Variants in NME7 observed in about 807,000 individuals in gnomAD.
NME7 encodes the protein NME/NM23 family member 7, also known as nucleoside diphosphate kinase 7.
In NME7, 41 loss-of-function variants were observed where a neutral mutation model predicts 49.1. The ratio of observed to expected loss-of-function variants is 0.83; its 90% CI spans 0.65 to 1.08. The LOEUF is 1.08. NME7 is among the 50% of genes least tolerant of loss of function. NME7 has a pLI of 0.00. For synonymous variants in NME7, 139 were observed against 150.6 expected, an observed-to-expected ratio of 0.92 and a Z score of 0.56; for missense variants, 423 against 463.4, an observed-to-expected ratio of 0.91 and a Z score of 0.80.
chr1:169,208,522 T>C (rs1244034897), intron 10 of NME7, among the ~76,000 whole-genome samples: 2 of 152,124 alleles, frequency 1.3e-5, no homozygotes, highest in Admixed American at 6.6e-5. Flanking sequence ...AAATGGCTGT[T>C]AACAGCTAAC....
At chr1:169,247,018 G>T (rs890825364) in intron 7 of NME7, 1 of 456,236 alleles carries the variant, frequency 2.2e-6, no homozygotes, top group Admixed American at 2.3e-5. Context: ...AGACCTATGG[G>T]AATGAAGATT....
rs538398968 is a variant in NME7 at position 169,267,793 on chromosome 1, GTAAAACCTAAAACCTAAA to G, written c.754+19492_754+19509del. Among the ~76,000 whole-genome samples the G allele has an allele frequency of 2.8e-3, 378 of 133,462 alleles. 81 individuals carry two copies. Among genetic ancestry groups the G allele is most frequent in the Middle Eastern group, 0.012 (3 of 260 alleles). The allele number at this position is 133,462 out of a possible 152,430, so 87.6% of individuals were successfully genotyped here. ...CTCAAGATGGATGAAAGACCTAAAT[GTAAAACCTAAAACCTAAA>G]TAAAACCTAAAACCTAAATAAAAAC... On this transcript the variant is annotated intron_variant, in intron 7 of 11. Transcript: ENST00000367811.
rs1361414687 is a variant in NME7, at chr1:169,225,060, G to A, written c.990+5658C>T. ...AAGGATATAGAAACAGAAGAAAGAAGAAAGACACTGGTTTATTAAGGAAGA... is the reference window on the plus strand; with the variant it reads ...AAGGATATAGAAACAGAAGAAAGAAAAAAGACACTGGTTTATTAAGGAAGA... On this transcript the variant is annotated intron_variant, in intron 10 of 11. Transcript: ENST00000367811. Among the ~76,000 whole-genome samples, 3 of 152,222 alleles carry A rather than the reference G, an allele frequency of 2.0e-5. No individual in the cohort carries two copies. The East Asian group carries it at 5.8e-4, about 29-fold the overall frequency.
intron 6 of NME7, 131 bp from the exon 7 acceptor site, chr1:169,287,539 T>C: frequency 1.5e-6 from 1 of 677,996 alleles, no homozygotes; most frequent in South Asian, 2.7e-5. Context: ...TTTCAGATTT[T>C]CTAAAAATGA....
Position 169,227,153 on chromosome 1 carries a change from G to A in NME7, c.990+3565C>T, listed in dbSNP as rs539654962. ...TGGGAATCAGCATTGTTTTCTTTTC[G>A]AGACTCTTCTTTCTATGATCGTGAA... On this transcript the variant is annotated intron_variant, in intron 10 of 11. Transcript: ENST00000367811. Among the ~76,000 whole-genome samples, 4 of 152,106 alleles carry A rather than the reference G, an allele frequency of 2.6e-5. No individual in the cohort carries two copies. The East Asian group carries it at 5.8e-4, about 22-fold the overall frequency.
Position 169,287,349 on chromosome 1 carries a change from A to G in NME7, c.708T>C (p.Phe236=). The G allele has an allele frequency of 6.2e-7, 1 of 1,611,724 alleles. No individual in the cohort carries two copies. Among genetic ancestry groups the G allele is most frequent in the Non-Finnish European group, 8.5e-7 (1 of 1,178,966 alleles). The change falls in exon 7 of 12, where the codon TTT becomes TTC. Residue 236 remains phenylalanine, a synonymous_variant. Transcript: ENST00000367811. ...GGCGPANTAK[F]TNCTCCIVKP... ...TAACAATGCAACAGGTACAATTAGT[A>G]AATTTAGCAGTGTTTGCCGGCCCAC...
intron 1 of NME7, among the ~76,000 whole-genome samples, chr1:169,340,746 T>C (rs1298663328): frequency 6.6e-6 from 1 of 152,214 alleles, no homozygotes; most frequent in South Asian, 2.1e-4. Context: ...ACTCATGCTA[T>C]GCTTTAGCAA....
At chr1:169,186,696 T>C (rs751324133) in intron 10 of NME7, among the ~76,000 whole-genome samples, 1 of 152,198 alleles carries the variant, frequency 6.6e-6, no homozygotes, top group Non-Finnish European at 1.5e-5. Flanking sequence ...TGTTAATCTT[T>C]CCAAAAACCA....
At chr1:169,205,507 A>T (rs967582871) in intron 10 of NME7, among the ~76,000 whole-genome samples, 2 of 152,128 alleles carry the variant, frequency 1.3e-5, no homozygotes, top group African/African-American at 4.8e-5. Flanking sequence ...TATTCTAAGA[A>T]GTTTGCCCAT....
rs549427932 is a variant in NME7 at position 169,342,572 on chromosome 1, T to C, written c.4-18072A>G. Reference sequence around the variant, plus strand: ...ATATATATATATACAAGTACATATATATAGTATATATATATATACAAGTAC... The same window carrying C: ...ATATATATATATACAAGTACATATACATAGTATATATATATATACAAGTAC... On this transcript the variant is annotated intron_variant, in intron 1 of 11. Coordinates refer to ENST00000367811, the MANE Select transcript of NME7 (RefSeq NM_013330.5). Among the ~76,000 whole-genome samples, 72 of 105,056 alleles carry C rather than the reference T, an allele frequency of 6.9e-4. 2 individuals carry two copies. In the South Asian group the frequency reaches 0.019, roughly 28 times the overall value. 68.9% of individuals were successfully genotyped at this position (105,056 alleles called of 152,430 possible).
At chr1:169,331,678 A>C (rs1487627655) in intron 1 of NME7, among the ~76,000 whole-genome samples, 1 of 152,170 alleles carries the variant, frequency 6.6e-6, no homozygotes, top group African/African-American at 2.4e-5. Flanking sequence ...AACAGTGAAC[A>C]ATCTTAAAAA....
rs563110976 is a variant in NME7, at chr1:169,264,263, A to G, written c.754+23040T>C. On this transcript the variant is annotated intron_variant, in intron 7 of 11. Coordinates refer to ENST00000367811, the MANE Select transcript of NME7 (RefSeq NM_013330.5). ...ACACATATCAATACTAACCTTGAATATAAATGGGCTAAATGCCCCAATTAA... is the reference window on the plus strand; with the variant it reads ...ACACATATCAATACTAACCTTGAATGTAAATGGGCTAAATGCCCCAATTAA... Among the ~76,000 whole-genome samples the G allele has an allele frequency of 9.7e-5, 13 of 134,378 alleles. 2 individuals are homozygous for G. Among genetic ancestry groups the G allele is most frequent in the African/African-American group, 3.3e-4 (13 of 39,782 alleles). The allele number at this position is 134,378 out of a possible 152,430, so 88.2% of individuals were successfully genotyped here.
intron 3 of NME7, among the ~76,000 whole-genome samples, chr1:169,311,957 AAGAG>A (rs1388633521): frequency 1.3e-5 from 2 of 152,362 alleles, no homozygotes; most frequent in East Asian, 1.9e-4. Context: ...GAGGGAAAAT[AAGAG>A]AGAGATCAGC....
chr1:169,276,639 C>T, intron 7 of NME7, among the ~76,000 whole-genome samples: 1 of 132,782 alleles, frequency 7.5e-6, no homozygotes. Context: ...AAAAAACCAG[C>T]TCCTGGATTC....
chr1:169,154,723 G>A (rs776052166), intron 11 of NME7, among the ~76,000 whole-genome samples: 43 of 151,660 alleles, frequency 2.8e-4, no homozygotes, highest in Middle Eastern at 6.8e-3. Context: ...GCTTGAACCC[G>A]GGAAGTGGAG....
chr1:169,347,476 TGAG>T (rs1487184285), intron 1 of NME7, among the ~76,000 whole-genome samples: 1 of 152,218 alleles, frequency 6.6e-6, no homozygotes, highest in Non-Finnish European at 1.5e-5. Context: ...AGGTAGAGTA[TGAG>T]GAGAAGATAC....
At chr1:169,289,484 G>C (rs1047412890) in intron 6 of NME7, among the ~76,000 whole-genome samples, 1 of 152,076 alleles carries the variant, frequency 6.6e-6, no homozygotes, top group Non-Finnish European at 1.5e-5. Flanking sequence ...TAAGTAACAA[G>C]CCCTTACAAG....
intron 4 of NME7, among the ~76,000 whole-genome samples, chr1:169,303,618 A>C (rs1211052942): frequency 2.0e-5 from 3 of 151,924 alleles, no homozygotes; most frequent in Non-Finnish European, 4.4e-5. Flanking sequence ...TGCCCAGCTA[A>C]TTTTTGTACT....
intron 4 of NME7, among the ~76,000 whole-genome samples, chr1:169,307,655 G>A (rs1214171935): frequency 6.6e-6 from 1 of 152,148 alleles, no homozygotes; most frequent in Admixed American, 6.5e-5. Flanking sequence ...CAAGTCATCA[G>A]ACACTAGAAG....
Sources: allele counts gnomAD v4.1 joint callset (sites outside exome capture counted in the v4.1 genomes callset), GRCh38; gene constraint gnomAD v4.1.1; transcripts MANE v1.5; gene names NCBI Gene and HGNC (gene_info 2026-07-23, HGNC 2026-07-21).